Variants in INPP4A observed in about 807,000 individuals in gnomAD.
The protein encoded by INPP4A is inositol polyphosphate-4-phosphatase type I A.
Under a neutral mutation model 119.8 loss-of-function variants are expected in INPP4A, and 33 were observed. The ratio of observed to expected loss-of-function variants is 0.28; its 90% CI spans 0.21 to 0.37. The LOEUF (loss-of-function observed/expected upper bound fraction) is 0.37, where lower values mean the gene tolerates loss of function less well. Ranked by LOEUF, INPP4A falls within the 10% of genes least tolerant of loss-of-function variation. The pLI is 1.00. For synonymous variants in INPP4A, 496 were observed against 500.7 expected (o/e 0.99, Z 0.12); for missense variants, 956 against 1,289.9 (o/e 0.74, Z 3.97).
At chr2:98,555,946 C>A in intron 16 of INPP4A, 138 bp downstream of exon 16, 1 of 1,029,984 alleles carries the variant, frequency 9.7e-7, no homozygotes, top group Non-Finnish European at 1.4e-6. Context: ...GGGGGCGTCC[C>A]AGTGCATGGA....
At chr2:98,519,772 G>A in intron 2 of INPP4A, 174 bp from the exon 3 acceptor site, 1 of 438,834 alleles carries the variant, frequency 2.3e-6, no homozygotes, top group South Asian at 2.6e-5. Context: ...GGAGTGGGGA[G>A]GAAGAAGTGA....
chr2:98,548,134 C>T (rs904664292), intron 13 of INPP4A, among the ~76,000 whole-genome samples: 8 of 152,214 alleles, frequency 5.3e-5, no homozygotes, highest in South Asian at 4.1e-4. Context: ...GAGCAGGGAA[C>T]GGAAGAGCGT....
chr2:98,478,490 C>G (rs973944203), intron 1 of INPP4A, among the ~76,000 whole-genome samples: 25 of 152,350 alleles, frequency 1.6e-4, no homozygotes, highest in African/African-American at 5.1e-4. Context: ...CTGTTAGAGT[C>G]AAGGCGAGGC....
intron 24 of INPP4A, among the ~76,000 whole-genome samples, chr2:98,586,946 A>T (rs146469554): frequency 1.5e-3 from 224 of 152,334 alleles, no homozygotes; most frequent in African/African-American, 5.1e-3. Context: ...CCTCCAGGAG[A>T]CAGCAGACCA....
At chr2:98,571,413 C>T (rs532739298) in intron 22 of INPP4A, among the ~76,000 whole-genome samples, 3 of 152,262 alleles carry the variant, frequency 2.0e-5, no homozygotes, top group East Asian at 3.9e-4. Flanking sequence ...GAGTAGGGGG[C>T]GCGTGCTGAG....
intron 11 of INPP4A, among the ~76,000 whole-genome samples, chr2:98,544,489 T>A (rs1169430371): frequency 6.6e-6 from 1 of 152,160 alleles, no homozygotes; most frequent in Non-Finnish European, 1.5e-5. Context: ...TGTTAAGGGG[T>A]AACTCTGTAT....
chr2:98,495,932 A>G (rs1681846459), intron 1 of INPP4A, among the ~76,000 whole-genome samples: 1 of 152,352 alleles, frequency 6.6e-6, no homozygotes, highest in African/African-American at 2.4e-5. Flanking sequence ...GGGCTACTTC[A>G]TAGTATGTCA....
At chr2:98,478,719 G>C (rs1464841004) in intron 1 of INPP4A, among the ~76,000 whole-genome samples, 1 of 152,174 alleles carries the variant, frequency 6.6e-6, no homozygotes, top group East Asian at 1.9e-4. Flanking sequence ...GGGTAGAAGG[G>C]TGTGATGGAT....
chr2:98,448,106 A>G (rs1694550177), intron 1 of INPP4A, among the ~76,000 whole-genome samples: 1 of 151,204 alleles, frequency 6.6e-6, no homozygotes. Flanking sequence ...CTATAATCCC[A>G]GCAATTTGGG....
rs539987671 is a variant in INPP4A at position 98,544,259 on chromosome 2, C to T, written c.949+252C>T. 3.3e-5 allele frequency among the ~76,000 whole-genome samples: 5 copies of T among 152,280 alleles called. No homozygotes were observed. The East Asian group carries it at 9.7e-4, about 29-fold the overall frequency. On this transcript the variant is annotated intron_variant, in intron 11 of 24. Transcript: ENST00000409851. ...AATCTGTGAATTGCAGTGAAGAGTC[C>T]TCCTATGGTGTCATCTACCAAAACA...
At chr2:98,460,136 T>TG in intron 1 of INPP4A, among the ~76,000 whole-genome samples, 1 of 152,014 alleles carries the variant, frequency 6.6e-6, no homozygotes, top group African/African-American at 2.4e-5. Flanking sequence ...TGTGTGTATG[T>TG]TTAAAATTAA....
chr2:98,495,765 A>G (rs1681806506), intron 1 of INPP4A, among the ~76,000 whole-genome samples: 1 of 152,202 alleles, frequency 6.6e-6, no homozygotes, highest in Non-Finnish European at 1.5e-5. Context: ...TTTATCATGC[A>G]GATGCAGCTT....
chr2:98,536,093 C>A, intron 6 of INPP4A, 36 bp from the exon 7 acceptor site: 1 of 1,376,364 alleles, frequency 7.3e-7, no homozygotes, highest in Non-Finnish European at 1.0e-6. Flanking sequence ...GCAAAGCAAG[C>A]GCACCAATGC....
At chr2:98,520,814 C>A in intron 4 of INPP4A, 83 bp downstream of exon 4, 1 of 749,692 alleles carries the variant, frequency 1.3e-6, no homozygotes, top group Non-Finnish European at 2.2e-6. Flanking sequence ...AGTGCATGGG[C>A]TTGTCTCAGA....
chr2:98,533,355 C>T (rs764522040), intron 4 of INPP4A, 22 bp from the exon 5 acceptor site: 1 of 1,485,384 alleles, frequency 6.7e-7, no homozygotes, highest in African/African-American at 1.4e-5. Context: ...GGATTCATTT[C>T]TTTCCCGTGT....
In INPP4A at chr2:98,520,002, G is replaced by A. The variant is rs1276952433; in HGVS notation, c.-47G>A. On this transcript the variant is annotated 5_prime_UTR_variant, in exon 3 of 25. Transcript: ENST00000409851. ...GTGCCAGCACTTCCCGGGTAATCAG[G>A]CGTGGTCTGACCGAGGATCAAGAAG... 3.4e-6 allele frequency: 5 copies of A among 1,473,308 alleles called. No individual in the cohort carries two copies. The highest frequency in any genetic ancestry group is 4.7e-6 in the Non-Finnish European group (5 of 1,074,462). The allele number at this position is 1,473,308 out of a possible 1,614,324, so 91.3% of individuals were successfully genotyped here.
intron 11 of INPP4A, 50 bp downstream of exon 11, chr2:98,544,057 A>G: frequency 6.7e-7 from 1 of 1,499,632 alleles, no homozygotes; most frequent in Non-Finnish European, 9.0e-7. Flanking sequence ...ACACACACAC[A>G]CACACACTCT....
chr2:98,567,265 T>C (rs1314320938), intron 21 of INPP4A, among the ~76,000 whole-genome samples: 1 of 151,562 alleles, frequency 6.6e-6, no homozygotes, highest in Non-Finnish European at 1.5e-5. Flanking sequence ...ACTGTTAAAG[T>C]GGTCAGTGGA....
chr2:98,466,466 T>G (rs554737587), intron 1 of INPP4A, among the ~76,000 whole-genome samples: 28 of 152,260 alleles, frequency 1.8e-4, no homozygotes, highest in Non-Finnish European at 3.8e-4. Context: ...TTTTTGGAAT[T>G]TCACTAAGCG....
Sources: allele counts gnomAD v4.1 joint callset (sites outside exome capture counted in the v4.1 genomes callset), GRCh38; gene constraint gnomAD v4.1.1; transcripts MANE v1.5; gene names NCBI Gene and HGNC (gene_info 2026-07-23, HGNC 2026-07-21).